PIWIL1: variants seen among roughly 807,000 people sequenced by gnomAD.
The protein encoded by PIWIL1 is piwi-like protein 1.
Under a neutral mutation model 114.4 loss-of-function variants are expected in PIWIL1, and 73 were observed. That is an observed-to-expected ratio of 0.64 (90% CI 0.53 to 0.78). PIWIL1 has a LOEUF of 0.78. Ranked by LOEUF, PIWIL1 falls within the 30% of genes least tolerant of loss-of-function variation. The pLI, the probability that PIWIL1 is intolerant of heterozygous loss-of-function variation, is 0.00. For synonymous variants in PIWIL1, 375 were observed against 369.0 expected, an observed-to-expected ratio of 1.02 and a Z score of -0.19; for missense variants, 723 against 1,063.1, an observed-to-expected ratio of 0.68 and a Z score of 4.45.
Position 130,348,189 on chromosome 12 carries a change from T to C in PIWIL1, c.734+6T>C. ...ATTGATATTCCAAGTCACAGGTTTGTATGAAGTAGAACGTTTAATATTCCT... is the reference window on the plus strand; with the variant it reads ...ATTGATATTCCAAGTCACAGGTTTGCATGAAGTAGAACGTTTAATATTCCT... On this transcript the variant is annotated splice_donor_region_variant and intron_variant, in intron 7 of 20. Coordinates refer to ENST00000245255, the MANE Select transcript of PIWIL1 (RefSeq NM_004764.5). 2 of 1,543,406 alleles carry C rather than the reference T, an allele frequency of 1.3e-6. No homozygotes were observed. Among genetic ancestry groups the C allele is most frequent in the Non-Finnish European group, 1.8e-6 (2 of 1,117,642 alleles).
the PIWIL1 span, chr12:130,424,332 G>A: frequency 8.1e-7 from 1 of 1,231,868 alleles, no homozygotes; most frequent in Non-Finnish European, 1.0e-6. This position sits in a 1 kb window ranked among gnomAD's most constrained non-coding sequence, Gnocchi z 9.8. Flanking sequence ...GAGGCCACCA[G>A]GGCCCACCTG....
At chr12:130,341,060 AG>A (rs1313428952) in intron 1 of PIWIL1, among the ~76,000 whole-genome samples, 3 of 152,208 alleles carry the variant, frequency 2.0e-5, no homozygotes, top group African/African-American at 7.2e-5. Flanking sequence ...TAAAACTCAG[AG>A]GATGAAAAAG....
the PIWIL1 span, among the ~76,000 whole-genome samples, chr12:130,391,238 C>T: frequency 1.2e-4 from 19 of 152,352 alleles, no homozygotes; most frequent in African/African-American, 4.3e-4. Context: ...GGCCGCCTGC[C>T]TTCTCACCGT....
At chr12:130,407,615 T>G in the PIWIL1 span, 2 of 883,824 alleles carry the variant, frequency 2.3e-6, no homozygotes, top group Admixed American at 1.7e-5. Flanking sequence ...CTACGGATGG[T>G]TCGGAGAGAA....
chr12:130,396,232 A>ATAAT, the PIWIL1 span: 2 of 152,672 alleles, frequency 1.3e-5, no homozygotes, highest in African/African-American at 4.8e-5. Context: ...ATTTCCTTTA[A>ATAAT]TAATAAATCT....
At chr12:130,341,371 G>C (rs1391096329) in intron 1 of PIWIL1, among the ~76,000 whole-genome samples, 2 of 152,224 alleles carry the variant, frequency 1.3e-5, no homozygotes, top group Non-Finnish European at 2.9e-5. Context: ...AATCTTGTTA[G>C]AGGTGGATAA....
chr12:130,358,390 C>T (rs1431732700), intron 14 of PIWIL1, among the ~76,000 whole-genome samples: 3 of 152,176 alleles, frequency 2.0e-5, no homozygotes, highest in Non-Finnish European at 4.4e-5. Flanking sequence ...ACTCTGAAAT[C>T]AAACCCCTGG....
intron 14 of PIWIL1, among the ~76,000 whole-genome samples, chr12:130,358,552 C>T (rs903705296): frequency 2.0e-5 from 3 of 152,132 alleles, no homozygotes; most frequent in Admixed American, 6.5e-5. Context: ...CGGCCCCTCC[C>T]TAGTAGCCCA....
the PIWIL1 span, chr12:130,397,573 T>C: frequency 2.5e-6 from 1 of 398,818 alleles, no homozygotes; most frequent in African/African-American, 2.1e-5. Context: ...TGTTACAGTT[T>C]ATTGAGTGTG....
At chr12:130,385,361 T>C in the PIWIL1 span, among the ~76,000 whole-genome samples, 1 of 152,244 alleles carries the variant, frequency 6.6e-6, no homozygotes, top group Admixed American at 6.5e-5. Context: ...CATTATTTCA[T>C]AACATCCTTA....
intron 13 of PIWIL1, 130 bp downstream of exon 13, chr12:130,357,235 A>G (rs908539218): frequency 1.3e-6 from 1 of 768,666 alleles, no homozygotes; most frequent in African/African-American, 1.8e-5. Flanking sequence ...ATGCAGATAA[A>G]CAGAAACATA....
the PIWIL1 span, chr12:130,424,448 G>A: frequency 4.1e-6 from 5 of 1,232,144 alleles, no homozygotes; most frequent in Non-Finnish European, 5.1e-6. The surrounding 1 kb of genome is among the most constrained non-coding windows in gnomAD (Gnocchi z 9.8). Context: ...GGCCTGGGCT[G>A]CACGCGGCCA....
chr12:130,352,299 G>A (rs1428541122), intron 9 of PIWIL1, among the ~76,000 whole-genome samples: 2 of 152,196 alleles, frequency 1.3e-5, no homozygotes, highest in South Asian at 2.1e-4. Context: ...GAAGGTCATA[G>A]TTGGTTTTTA....
intron 9 of PIWIL1, among the ~76,000 whole-genome samples, chr12:130,353,275 G>GGTT (rs2073266311): frequency 7.0e-6 from 1 of 142,124 alleles, no homozygotes; most frequent in Non-Finnish European, 1.6e-5. Flanking sequence ...GGAGGTGTGT[G>GGTT]TGTGGTTTTT....
chr12:130,392,128 CCG>C, the PIWIL1 span, among the ~76,000 whole-genome samples: 123 of 122,308 alleles, frequency 1.0e-3, 8 homozygotes, highest in African/African-American at 3.7e-3. Context: ...GACCCGGTCA[CCG>C]TCATCACGTG....
chr12:130,424,785 T>C, the PIWIL1 span: 1 of 1,232,942 alleles, frequency 8.1e-7, no homozygotes. This position sits in a 1 kb window ranked among gnomAD's most constrained non-coding sequence, Gnocchi z 9.8. Flanking sequence ...GAAAAGTCTC[T>C]TCCTGTGGGG....
the PIWIL1 span, chr12:130,412,764 A>C: frequency 6.2e-7 from 1 of 1,613,792 alleles, no homozygotes; most frequent in Admixed American, 1.7e-5. Flanking sequence ...GGTAGAATCC[A>C]TCAGCGTCTT....
chr12:130,358,332 G>A (rs1172344608), intron 14 of PIWIL1, among the ~76,000 whole-genome samples: 1 of 152,184 alleles, frequency 6.6e-6, no homozygotes, highest in East Asian at 1.9e-4. Flanking sequence ...AGTGTGTGTT[G>A]TGGTTTCATT....
rs1164825118 is a variant in PIWIL1, at chr12:130,345,768, C to T, written c.206C>T (p.Ala69Val). Residue 69 changes from alanine (A) to valine (V), a missense_variant, in exon 4 of 21, where the codon GCT becomes GTT. By Grantham distance (64) the Ala-to-Val change is moderately conservative (BLOSUM62 0). This residue lies in a region of PIWIL1 where 190 missense variants were observed against 294.4 expected (regional missense o/e 0.65). Transcript: ENST00000245255. ...TTTTTTTAAGGACTCCAGATATCTG[C>T]TGGATTTCAGGAGTTATCGTTAGCA... Reference protein sequence around the residue: ...TAKSQGLQISAGFQELSLAER... With the variant: ...TAKSQGLQISVGFQELSLAER... The T allele has an allele frequency of 1.2e-6, 2 of 1,613,722 alleles. No individual in the cohort carries two copies. Among genetic ancestry groups the T allele is most frequent in the Non-Finnish European group, 1.7e-6 (2 of 1,179,842 alleles).
Sources: allele counts gnomAD v4.1 joint callset (sites outside exome capture counted in the v4.1 genomes callset), GRCh38; gene constraint gnomAD v4.1.1; regional missense constraint gnomAD v4.1.1; non-coding constraint Gnocchi (gnomAD v3.1); transcripts MANE v1.5; gene names NCBI Gene and HGNC (gene_info 2026-07-23, HGNC 2026-07-21).